The following ARHGAP17 variants were observed in gnomAD, a reference collection of about 807,000 sequenced individuals.
ARHGAP17 encodes rho GTPase-activating protein 17.
A neutral mutation model predicts 99.5 loss-of-function variants in ARHGAP17; 57 were observed. That is an observed-to-expected ratio of 0.57 (90% CI 0.46 to 0.71). The LOEUF (loss-of-function observed/expected upper bound fraction) is 0.71, where lower values mean the gene tolerates loss of function less well. ARHGAP17 is among the 30% of genes least tolerant of loss of function. The pLI is 0.00. For synonymous variants in ARHGAP17, 417 were observed against 429.6 expected (o/e 0.97, Z 0.36); for missense variants, 1,000 against 1,122.4 (o/e 0.89, Z 1.56).
At chr16:24,929,028 C>T (rs948988685) in intron 19 of ARHGAP17, among the ~76,000 whole-genome samples, 5 of 152,128 alleles carry the variant, frequency 3.3e-5, no homozygotes, top group African/African-American at 1.2e-4. Flanking sequence ...GACACAATTT[C>T]CTCCCGTGCT....
At chr16:24,951,601 A>G (rs77280849) in intron 12 of ARHGAP17, among the ~76,000 whole-genome samples, 49 of 152,304 alleles carry the variant, frequency 3.2e-4, no homozygotes, top group Non-Finnish European at 6.9e-4. Context: ...TGCTTCTTCA[A>G]CCTACTCGAC....
chr16:24,960,284 C>A (rs2051946979), intron 7 of ARHGAP17, among the ~76,000 whole-genome samples: 1 of 152,192 alleles, frequency 6.6e-6, no homozygotes, highest in Non-Finnish European at 1.5e-5. Context: ...ATGGCTCATG[C>A]CTGTAATCCC....
intron 19 of ARHGAP17, chr16:24,921,010 A>G (rs892968166): frequency 6.6e-6 from 1 of 152,256 alleles, no homozygotes; most frequent in African/African-American, 2.4e-5. Flanking sequence ...TTCCTTCAGC[A>G]AGATGGCAAA....
intron 7 of ARHGAP17, 94 bp from the exon 8 acceptor site, chr16:24,960,073 G>GT: frequency 8.4e-7 from 1 of 1,187,276 alleles, no homozygotes; most frequent in South Asian, 1.3e-5. Context: ...AGATGAAAAA[G>GT]TGATGGAAAG....
intron 6 of ARHGAP17, among the ~76,000 whole-genome samples, chr16:24,966,005 T>A (rs1010306388): frequency 2.6e-5 from 4 of 152,214 alleles, no homozygotes; most frequent in Non-Finnish European, 4.4e-5. Context: ...AGATCAAGAA[T>A]CAGTATTAAA....
chr16:24,923,838 T>C (rs928366617), intron 19 of ARHGAP17, among the ~76,000 whole-genome samples: 6 of 151,552 alleles, frequency 4.0e-5, no homozygotes, highest in Admixed American at 3.3e-4. Context: ...CTCTGACAAA[T>C]GTAACCCAGG....
In ARHGAP17 at chr16:24,976,926, T is replaced by C. The variant is rs1426391233; in HGVS notation, c.198+289A>G. On this transcript the variant is annotated intron_variant, in intron 3 of 19. Coordinates refer to ENST00000289968, the MANE Select transcript of ARHGAP17 (RefSeq NM_001006634.3). ...AATTTAAGACAGGCTTTCCGCTTTC[T>C]GCCAGCAAAAGATGCATAACCGACA... Among the ~76,000 whole-genome samples, 4 of 152,264 alleles carry C rather than the reference T, an allele frequency of 2.6e-5. No individual in the cohort carries two copies. The South Asian group carries it at 6.2e-4, about 24-fold the overall frequency.
In ARHGAP17 at chr16:24,982,503, G is replaced by A. The variant is rs548445289; in HGVS notation, c.54-3498C>T. 3.3e-5 allele frequency among the ~76,000 whole-genome samples: 5 copies of A among 152,286 alleles called. No individual in the cohort carries two copies. The South Asian group carries it at 1.0e-3, about 32-fold the overall frequency. ...GAATTACTTTTAAGTGACAAATCAT[G>A]ACTATGGAGTATAATACACAAACTG... On this transcript the variant is annotated intron_variant, in intron 1 of 19. Coordinates refer to ENST00000289968, the MANE Select transcript of ARHGAP17 (RefSeq NM_001006634.3).
intron 3 of ARHGAP17, 108 bp downstream of exon 3, chr16:24,977,107 A>C: frequency 1.3e-6 from 1 of 799,634 alleles, no homozygotes; most frequent in Non-Finnish European, 1.8e-6. Flanking sequence ...GATAGAAGTC[A>C]CCAAAGGCTG....
At chr16:24,934,819 C>T (rs1011487092) in intron 18 of ARHGAP17, among the ~76,000 whole-genome samples, 10 of 152,096 alleles carry the variant, frequency 6.6e-5, no homozygotes, top group Non-Finnish European at 1.5e-4. Flanking sequence ...AGATATGGGA[C>T]AGAATGTTCT....
chr16:25,015,237 T>C lies in ARHGAP17; in HGVS notation c.25A>G (p.Lys9Glu). 7.3e-7 allele frequency: 1 copy of C among 1,363,506 alleles called. No individual in the cohort carries two copies. 84.5% of individuals were successfully genotyped at this position (1,363,506 alleles called of 1,614,324 possible). Reference sequence around the variant, plus strand: ...CCCACGGTCTGGTTAGCCAGCTGCTTCATGCGGTTGAACTGCTTCTTCATG... The same window carrying C: ...CCCACGGTCTGGTTAGCCAGCTGCTCCATGCGGTTGAACTGCTTCTTCATG... Reference protein sequence around the residue: MKKQFNRMKQLANQTVGRA... With the variant: MKKQFNRMEQLANQTVGRA... Residue 9 changes from lysine to glutamate, a missense_variant, in exon 1 of 20, where the codon AAG (lysine) becomes GAG (glutamate). By Grantham distance (56) the Lys-to-Glu change is moderately conservative. This residue lies in a region of ARHGAP17 where 472 missense variants were observed against 611.1 expected (regional missense o/e 0.77). Transcript: ENST00000289968.
At chr16:24,994,721 T>A (rs1443601668) in intron 1 of ARHGAP17, among the ~76,000 whole-genome samples, 1 of 152,170 alleles carries the variant, frequency 6.6e-6, no homozygotes, top group East Asian at 1.9e-4. Flanking sequence ...CCCAGGGAAC[T>A]TAAGCGATTG....
chr16:24,971,251 A>G (rs149808661), intron 3 of ARHGAP17, among the ~76,000 whole-genome samples: 1 of 152,274 alleles, frequency 6.6e-6, no homozygotes, highest in African/African-American at 2.4e-5. Flanking sequence ...CTTGCTCTCT[A>G]AATGGTTATC....
chr16:24,964,174 C>T lies in ARHGAP17; in HGVS notation c.573+23G>A, dbSNP rs373008999. 90 of 1,484,736 alleles carry T rather than the reference C, an allele frequency of 6.1e-5. No individual in the cohort carries two copies. The African/African-American group carries it at 7.8e-4, about 13-fold the overall frequency. 92.0% of individuals were successfully genotyped at this position (1,484,736 alleles called of 1,614,324 possible). A position where few individuals can be genotyped will look rare whatever the true frequency, so the allele number is the denominator to read the frequency against. The stretch of plus-strand genomic sequence containing the variant: ...CTCATTTGCAAAAACCGAAAAGATA[C>T]ATTTATCAAGGAATTCTCATACCTT... On this transcript the variant is annotated intron_variant, in intron 7 of 19. Coordinates refer to ENST00000289968, the MANE Select transcript of ARHGAP17 (RefSeq NM_001006634.3).
chr16:24,949,285 G>GTT, intron 13 of ARHGAP17, 119 bp downstream of exon 13: 1 of 715,348 alleles, frequency 1.4e-6, no homozygotes, highest in Non-Finnish European at 2.2e-6. Flanking sequence ...AAGTGATGTG[G>GTT]TTTTTTTTGT....
At chr16:24,922,118 C>A (rs56084946) in intron 19 of ARHGAP17, among the ~76,000 whole-genome samples, 8 of 152,344 alleles carry the variant, frequency 5.3e-5, no homozygotes, top group Non-Finnish European at 1.0e-4. Flanking sequence ...GTAGCTGTGA[C>A]TTGAAGACGA....
At chr16:24,931,777 A>C (rs917195907) in intron 18 of ARHGAP17, among the ~76,000 whole-genome samples, 2 of 152,160 alleles carry the variant, frequency 1.3e-5, no homozygotes, top group Non-Finnish European at 2.9e-5. Context: ...AATGGACATG[A>C]GTGGAAAAAC....
At chr16:24,947,096 A>T (rs776906038) in intron 14 of ARHGAP17, among the ~76,000 whole-genome samples, 2 of 152,166 alleles carry the variant, frequency 1.3e-5, no homozygotes, top group Non-Finnish European at 2.9e-5. Context: ...TCTCCTGTTA[A>T]CCTGTCTTAT....
chr16:24,949,319 C>T (rs999124049), intron 13 of ARHGAP17, 85 bp downstream of exon 13: 3 of 1,051,746 alleles, frequency 2.9e-6, no homozygotes, highest in Middle Eastern at 2.1e-4. Flanking sequence ...TTTTAATGTG[C>T]CAAGTATGCC....
Sources: allele counts gnomAD v4.1 joint callset (sites outside exome capture counted in the v4.1 genomes callset), GRCh38; gene constraint gnomAD v4.1.1; regional missense constraint gnomAD v4.1.1; transcripts MANE v1.5; gene names NCBI Gene and HGNC (gene_info 2026-07-23, HGNC 2026-07-21).